The following ARID1B variants were observed in gnomAD, a reference collection of about 807,000 sequenced individuals.
ARID1B encodes AT-rich interactive domain-containing protein 1B.
ARID1B carries 30 observed loss-of-function variants against 212.3 expected under a neutral mutation model. The observed-to-expected ratio is 0.14, with a 90% CI of 0.11 to 0.19. The LOEUF is 0.19. ARID1B is among the 10% of genes least tolerant of loss of function. ARID1B has a pLI of 1.00. For missense variants in ARID1B, 2,891 were observed against 3,204.0 expected, an observed-to-expected ratio of 0.90 and a Z score of 2.36; for synonymous variants, 1,402 against 1,301.7, an observed-to-expected ratio of 1.08 and a Z score of -1.66.
In ARID1B at chr6:157,200,911, G is replaced by C. The variant is rs527711444; in HGVS notation, c.4686G>C (p.Gln1562His). Residue 1562 changes from glutamine (Q) to histidine (H), a missense_variant, in exon 18 of 20, where the codon CAG becomes CAC. Transcript: ENST00000636930. This position sits in a 1 kb window ranked among gnomAD's most constrained non-coding sequence, Gnocchi z 4.3. ...GGATGCAGGGCCCGGGGCAGATCCA[G>C]ACACACGGAATCCCGCCTCAGATGA... ...RERMQGPGQI[Q>H]THGIPPQMMG... 1 of 1,613,832 alleles carries C rather than the reference G, an allele frequency of 6.2e-7. No homozygotes were observed. Among genetic ancestry groups the C allele is most frequent in the South Asian group, 1.1e-5 (1 of 91,084 alleles).
chr6:156,806,589 G>T (rs753706389), intron 1 of ARID1B, among the ~76,000 whole-genome samples: 9 of 152,158 alleles, frequency 5.9e-5, no homozygotes, highest in African/African-American at 1.2e-4. Context: ...ATCTTGCGAG[G>T]TTTGGTTAAT....
intron 8 of ARID1B, among the ~76,000 whole-genome samples, chr6:157,153,505 C>T (rs1274345659): frequency 1.3e-5 from 2 of 152,162 alleles, no homozygotes; most frequent in African/African-American, 4.8e-5. Flanking sequence ...TTACTAAAAG[C>T]CTACTTCAGG....
At chr6:156,879,782 T>C (rs1390450702) in intron 2 of ARID1B, among the ~76,000 whole-genome samples, 4 of 152,224 alleles carry the variant, frequency 2.6e-5, no homozygotes, top group African/African-American at 9.7e-5. Context: ...CACATGTGTA[T>C]ATATGTGCAG....
chr6:157,133,541 ATGTCAAACT>A (rs1788697596), intron 7 of ARID1B, among the ~76,000 whole-genome samples: 2 of 152,182 alleles, frequency 1.3e-5, no homozygotes, highest in South Asian at 4.1e-4. Flanking sequence ...CAGGTTTCTG[ATGTCAAACT>A]TGGGCTTTGT....
At chr6:156,870,797 T>C (rs899221676) in intron 2 of ARID1B, among the ~76,000 whole-genome samples, 1 of 152,146 alleles carries the variant, frequency 6.6e-6, no homozygotes, top group Non-Finnish European at 1.5e-5. Flanking sequence ...ATTATAGATA[T>C]GTTTACATTT....
chr6:156,999,314 T>C (rs1778781701), intron 4 of ARID1B, among the ~76,000 whole-genome samples: 1 of 152,252 alleles, frequency 6.6e-6, no homozygotes, highest in African/African-American at 2.4e-5. Context: ...ATACAAGTTA[T>C]GTGACATTGG....
chr6:156,778,115 G>C lies in ARID1B; in HGVS notation c.435G>C (p.Gly145=). The stretch of plus-strand genomic sequence containing the variant: ...GCCCGGGCTCGGCCATGGAGACGGG[G>C]CTGCTCCCCAACCACAAACTGAAAA... The part of the protein sequence containing the change: ...SSGPGSAMET[G]LLPNHKLKTV... Residue 145 remains glycine, a synonymous_variant, in exon 1 of 20, where the codon GGG becomes GGC. Coordinates refer to ENST00000636930, the MANE Select transcript of ARID1B (RefSeq NM_001374828.1). 6.5e-7 allele frequency: 1 copy of C among 1,540,820 alleles called. No homozygotes were observed. Among genetic ancestry groups the C allele is most frequent in the Non-Finnish European group, 8.7e-7 (1 of 1,146,236 alleles).
At chr6:157,019,336 A>T (rs191118286) in intron 4 of ARID1B, among the ~76,000 whole-genome samples, 28 of 152,320 alleles carry the variant, frequency 1.8e-4, no homozygotes, top group Admixed American at 1.6e-3. Context: ...AGGAATGGTC[A>T]GATGATGTTT....
chr6:156,926,777 G>A (rs943657236), intron 3 of ARID1B, among the ~76,000 whole-genome samples: 1 of 152,154 alleles, frequency 6.6e-6, no homozygotes, highest in African/African-American at 2.4e-5. Context: ...CGCCTCCCAG[G>A]TTCAAGTGAT....
At chr6:157,065,980 T>C (rs1309083629) in intron 4 of ARID1B, among the ~76,000 whole-genome samples, 2 of 152,294 alleles carry the variant, frequency 1.3e-5, no homozygotes, top group Admixed American at 1.3e-4. Context: ...CCAAAAGCCC[T>C]CTTATGCCTC....
intron 14 of ARID1B, 84 bp from the exon 15 acceptor site, chr6:157,189,954 T>G (rs1210781110): frequency 6.3e-7 from 1 of 1,584,068 alleles, no homozygotes; most frequent in African/African-American, 1.4e-5. Flanking sequence ...TTTGCACATT[T>G]CAAGATGGGT....
chr6:156,982,606 G>A lies in ARID1B; in HGVS notation c.2247+47030G>A, dbSNP rs557248352. 2.0e-5 allele frequency among the ~76,000 whole-genome samples: 3 copies of A among 152,062 alleles called. No homozygotes were observed. In the South Asian group the frequency reaches 6.2e-4, roughly 32 times the overall value. On this transcript the variant is annotated intron_variant, in intron 4 of 19. Transcript: ENST00000636930. The stretch of plus-strand genomic sequence containing the variant: ...TTATTGATCTTTTCTTTCCTTCACT[G>A]ATTTTTCTTTTCTGTTACTGTTTTC...
Position 157,207,446 on chromosome 6 carries a change from C to T in ARID1B, c.6674C>T (p.Thr2225Ile), listed in dbSNP as rs1007618719. 6.2e-7 allele frequency: 1 copy of T among 1,614,152 alleles called. No homozygotes were observed. The highest frequency in any genetic ancestry group is 8.5e-7 in the Non-Finnish European group (1 of 1,180,030). ...QDNNVDLILA[T>I]PPFSRQEKFY... ...AATAATGTGGACCTGATCTTGGCCACTCCTCCATTTAGTCGTCAGGAGAAA... is the reference window on the plus strand; with the variant it reads ...AATAATGTGGACCTGATCTTGGCCATTCCTCCATTTAGTCGTCAGGAGAAA... The change falls in exon 20 of 20, where the codon ACT becomes ATT. Residue 2225 changes from threonine (T) to isoleucine (I), a missense_variant. By Grantham distance (89) the Thr-to-Ile change is moderately conservative (BLOSUM62 -1). This residue lies in a region of ARID1B where 187 missense variants were observed against 306.5 expected (regional missense o/e 0.61). Transcript: ENST00000636930. This position sits in a 1 kb window ranked among gnomAD's most constrained non-coding sequence, Gnocchi z 8.5.
intron 2 of ARID1B, among the ~76,000 whole-genome samples, chr6:156,882,099 T>C (rs1787145175): frequency 1.3e-5 from 2 of 152,212 alleles, no homozygotes; most frequent in Non-Finnish European, 2.9e-5. Context: ...CCTGAATGAT[T>C]CCTCTTTCAC....
chr6:156,834,192 T>G (rs1011557785), intron 2 of ARID1B, among the ~76,000 whole-genome samples: 6 of 152,146 alleles, frequency 3.9e-5, no homozygotes, highest in African/African-American at 1.4e-4. Context: ...TTTTTCATCA[T>G]GAAATGTTTA....
chr6:156,796,791 G>C (rs1780412552), intron 1 of ARID1B, among the ~76,000 whole-genome samples: 1 of 152,226 alleles, frequency 6.6e-6, no homozygotes, highest in Non-Finnish European at 1.5e-5. Context: ...TGTGGGGCTG[G>C]GGGAAGCAGA....
intron 2 of ARID1B, among the ~76,000 whole-genome samples, chr6:156,860,606 A>G (rs967660819): frequency 6.6e-6 from 1 of 152,200 alleles, no homozygotes; most frequent in African/African-American, 2.4e-5. Context: ...GCTGGAGACA[A>G]TAGCTGACTC....
intron 5 of ARID1B, among the ~76,000 whole-genome samples, chr6:157,109,235 C>G (rs1431957689): frequency 1.3e-5 from 2 of 152,068 alleles, no homozygotes; most frequent in Non-Finnish European, 2.9e-5. Flanking sequence ...GCTGAATGTG[C>G]CCTGACCTTC....
At chr6:156,809,101 CTT>C (rs910740952) in intron 1 of ARID1B, among the ~76,000 whole-genome samples, 12 of 151,964 alleles carry the variant, frequency 7.9e-5, no homozygotes, top group African/African-American at 2.4e-4. Flanking sequence ...TATCAGGTGT[CTT>C]TTTTTTGGCC....
Sources: allele counts gnomAD v4.1 joint callset (sites outside exome capture counted in the v4.1 genomes callset), GRCh38; gene constraint gnomAD v4.1.1; regional missense constraint gnomAD v4.1.1; non-coding constraint Gnocchi (gnomAD v3.1); transcripts MANE v1.5; gene names NCBI Gene and HGNC (gene_info 2026-07-23, HGNC 2026-07-21).